TXNRD1: variants seen among roughly 807,000 people sequenced by gnomAD.
TXNRD1 encodes the protein thioredoxin reductase 1.
In TXNRD1, 57 loss-of-function variants were observed where a neutral mutation model predicts 80.3. The ratio of observed to expected loss-of-function variants is 0.71; its 90% CI spans 0.57 to 0.89. The LOEUF is 0.89. TXNRD1 is among the 40% of genes least tolerant of loss of function. The probability of loss-of-function intolerance (pLI) is 0.00; values close to 1 mark genes in which losing one functional copy is unlikely to be tolerated. For synonymous variants in TXNRD1, 291 were observed against 285.2 expected (o/e 1.02, Z -0.20); for missense variants, 730 against 803.0 (o/e 0.91, Z 1.10).
intron 1 of TXNRD1, among the ~76,000 whole-genome samples, chr12:104,223,836 C>G (rs1226545923): frequency 6.6e-6 from 1 of 152,134 alleles, no homozygotes; most frequent in African/African-American, 2.4e-5. Context: ...GGACCAGTGG[C>G]TGGTGCAGAC....
intron 7 of TXNRD1, among the ~76,000 whole-genome samples, chr12:104,317,157 A>G (rs1214369716): frequency 6.6e-6 from 1 of 152,144 alleles, no homozygotes; most frequent in Admixed American, 6.5e-5. Context: ...AAACATTGAT[A>G]ATTACTGCAG....
chr12:104,251,506 C>A (rs745972208), intron 1 of TXNRD1, 21 bp from the exon 2 acceptor site: 1 of 1,610,382 alleles, frequency 6.2e-7, no homozygotes, highest in Admixed American at 1.7e-5. Flanking sequence ...TAATTACCAT[C>A]CTTACTTCCA....
intron 16 of TXNRD1, chr12:104,346,207 C>T (rs1025044313): frequency 4.0e-5 from 10 of 251,308 alleles, no homozygotes; most frequent in South Asian, 1.7e-4. Flanking sequence ...GAGACAGGGT[C>T]GCATTATGTT....
intron 3 of TXNRD1, among the ~76,000 whole-genome samples, chr12:104,259,478 T>C (rs530849484): frequency 8.6e-5 from 13 of 150,346 alleles, no homozygotes; most frequent in African/African-American, 3.0e-4. Context: ...AATTGGCATA[T>C]AAGTTTCATT....
chr12:104,268,770 G>T (rs1027234087), intron 3 of TXNRD1, among the ~76,000 whole-genome samples: 1 of 151,862 alleles, frequency 6.6e-6, no homozygotes, highest in African/African-American at 2.4e-5. Flanking sequence ...ACCCGCCTTG[G>T]CCTCTCAAAG....
intron 2 of TXNRD1, 57 bp downstream of exon 2, chr12:104,251,735 G>C: frequency 6.3e-7 from 1 of 1,580,100 alleles, no homozygotes; most frequent in South Asian, 1.1e-5. Flanking sequence ...ACAGACTTTT[G>C]AGCTCAAATG....
intron 2 of TXNRD1, among the ~76,000 whole-genome samples, chr12:104,254,642 A>ATATATATATAT: frequency 9.6e-6 from 1 of 104,540 alleles, no homozygotes; most frequent in Non-Finnish European, 1.8e-5. Context: ...AAAAAAAAAA[A>ATATATATATAT]AAATATATAT....
chr12:104,301,910 G>A (rs2034640626), intron 4 of TXNRD1, among the ~76,000 whole-genome samples: 1 of 152,184 alleles, frequency 6.6e-6, no homozygotes, highest in Admixed American at 6.5e-5. Flanking sequence ...TCCTTTCAGT[G>A]TGTAGGATTA....
chr12:104,276,158 G>T (rs1818479087), intron 3 of TXNRD1, among the ~76,000 whole-genome samples: 1 of 152,184 alleles, frequency 6.6e-6, no homozygotes, highest in African/African-American at 2.4e-5. Context: ...GGCTTAAACG[G>T]CCCTGAATAC....
At chr12:104,286,613 G>A (rs1249926968) in intron 3 of TXNRD1, 1 of 566,620 alleles carries the variant, frequency 1.8e-6, no homozygotes, top group Non-Finnish European at 2.2e-6. Context: ...AAACGCAGAG[G>A]CCCAGGTCAC....
intron 4 of TXNRD1, chr12:104,310,123 T>C: frequency 6.8e-7 from 1 of 1,475,602 alleles, no homozygotes; most frequent in African/African-American, 1.4e-5. Context: ...CTTTTTTTTG[T>C]TATTAAAGTT....
chr12:104,242,377 G>A (rs935681467), intron 1 of TXNRD1, among the ~76,000 whole-genome samples: 12 of 151,726 alleles, frequency 7.9e-5, no homozygotes, highest in Admixed American at 2.0e-4. Flanking sequence ...GTGAAACCCC[G>A]TCTGTACTAA....
chr12:104,268,890 CATATT>C (rs1384325242), intron 3 of TXNRD1, among the ~76,000 whole-genome samples: 2 of 150,574 alleles, frequency 1.3e-5, no homozygotes, highest in African/African-American at 4.9e-5. Flanking sequence ...AAATTTATGT[CATATT>C]ATAAATCCGT....
At chr12:104,318,533 G>T (rs1303017710) in intron 7 of TXNRD1, among the ~76,000 whole-genome samples, 20 of 152,156 alleles carry the variant, frequency 1.3e-4, no homozygotes, top group Admixed American at 1.3e-3. Flanking sequence ...CATAAACACT[G>T]TTACTAGTGT....
At position 104,327,553 on chromosome 12, in the gene TXNRD1, A is replaced by G. The variant is rs376847283; in HGVS notation, c.1424A>G (p.Asn475Ser). 12 of 1,613,602 alleles carry G rather than the reference A, an allele frequency of 7.4e-6. No homozygotes were observed. The highest frequency in any genetic ancestry group is 5.3e-5 in the African/African-American group (4 of 74,882). Residue 475 changes from asparagine (N) to serine (S), a missense_variant, in exon 13 of 17, where the codon AAT (asparagine) becomes AGT (serine). Asn to Ser is a conservative substitution (Grantham distance 46). Coordinates refer to ENST00000525566, the MANE Select transcript of TXNRD1 (RefSeq NM_001093771.3). ...KIPVTDEEQT[N>S]VPYIYAIGDI... ...CCTGTCACAGATGAAGAACAGACCA[A>G]TGTGCCTTACATCTATGCCATTGGC...
chr12:104,287,975 T>G (rs1273474471), intron 3 of TXNRD1, among the ~76,000 whole-genome samples: 1 of 152,152 alleles, frequency 6.6e-6, no homozygotes, highest in East Asian at 1.9e-4. Context: ...TTGTTTTTTG[T>G]TTTTTGTTGG....
intron 11 of TXNRD1, among the ~76,000 whole-genome samples, chr12:104,326,138 AT>A (rs2035752651): frequency 2.0e-5 from 3 of 152,168 alleles, no homozygotes; most frequent in Non-Finnish European, 4.4e-5. Flanking sequence ...GAAGTGGAAA[AT>A]AATTTCTACT....
At chr12:104,344,997 G>A (rs770200371) in intron 16 of TXNRD1, among the ~76,000 whole-genome samples, 16 of 152,150 alleles carry the variant, frequency 1.1e-4, no homozygotes, top group Non-Finnish European at 1.8e-4. Flanking sequence ...TGTTTTTATC[G>A]TCCAGACATA....
intron 1 of TXNRD1, among the ~76,000 whole-genome samples, chr12:104,234,377 C>T (rs1242695505): frequency 6.6e-6 from 1 of 152,166 alleles, no homozygotes; most frequent in Non-Finnish European, 1.5e-5. Flanking sequence ...TCACTGCAAC[C>T]TCTGCCTCCT....
Sources: gnomAD v4.1 joint callset for allele counts (sites outside exome capture counted in the v4.1 genomes callset) on GRCh38, gnomAD v4.1.1 for gene constraint, MANE v1.5 for transcripts, NCBI Gene and HGNC (gene_info 2026-07-23, HGNC 2026-07-21) for gene names.